WAPL: variants seen among roughly 807,000 people sequenced by gnomAD.
WAPL encodes the protein WAPL cohesin release factor.
In WAPL, 5 loss-of-function variants were observed where a neutral mutation model predicts 121.0. That is an observed-to-expected ratio of 0.04 (90% CI 0.02 to 0.09). The LOEUF is 0.09. Among genes scored for constraint, WAPL ranks in the 10% least tolerant of loss-of-function variants. The pLI is 1.00. For missense variants in WAPL, 999 were observed against 1,410.8 expected, an observed-to-expected ratio of 0.71 and a Z score of 4.68; for synonymous variants, 480 against 481.5, an observed-to-expected ratio of 1.00 and a Z score of 0.04.
At chr10:86,520,316 A>G (rs753416010) in intron 1 of WAPL, among the ~76,000 whole-genome samples, 5 of 152,144 alleles carry the variant, frequency 3.3e-5, no homozygotes, top group Non-Finnish European at 7.4e-5. Flanking sequence ...TAATAATGAT[A>G]ATAATAATTT....
intron 11 of WAPL, among the ~76,000 whole-genome samples, chr10:86,460,112 C>A (rs1841235631): frequency 6.6e-6 from 1 of 151,326 alleles, no homozygotes; most frequent in East Asian, 1.9e-4. Flanking sequence ...GACTCTGGCT[C>A]AAAAAATAAT....
At chr10:86,479,797 G>A (rs922266368) in intron 4 of WAPL, among the ~76,000 whole-genome samples, 1 of 151,978 alleles carries the variant, frequency 6.6e-6, no homozygotes, top group Non-Finnish European at 1.5e-5. Flanking sequence ...GTACTTTAGC[G>A]GCAATTCAAA....
chr10:86,474,081 A>T, intron 4 of WAPL, 108 bp from the exon 5 acceptor site: 3 of 834,794 alleles, frequency 3.6e-6, no homozygotes, highest in Non-Finnish European at 5.9e-6. Context: ...AAACAGCAGG[A>T]TGGATACTAT....
chr10:86,468,545 A>C (rs558587932), intron 8 of WAPL, among the ~76,000 whole-genome samples: 1 of 152,330 alleles, frequency 6.6e-6, no homozygotes, highest in African/African-American at 2.4e-5. Flanking sequence ...TAAAATCAAT[A>C]ATTTAAATAA....
At chr10:86,509,510 A>G (rs527875704) in intron 2 of WAPL, among the ~76,000 whole-genome samples, 4 of 152,292 alleles carry the variant, frequency 2.6e-5, no homozygotes, top group South Asian at 2.1e-4. Context: ...ACCACTCTAT[A>G]TATTTTTTCC....
chr10:86,446,494 T>G (rs774919521), intron 15 of WAPL, 45 bp from the exon 16 acceptor site: 2 of 1,557,630 alleles, frequency 1.3e-6, no homozygotes, highest in Non-Finnish European at 1.8e-6. Context: ...AGATTGCCAA[T>G]CAATATGCAT....
At chr10:86,446,492 A>G in intron 15 of WAPL, 43 bp from the exon 16 acceptor site, 1 of 1,568,174 alleles carries the variant, frequency 6.4e-7, no homozygotes, top group Non-Finnish European at 8.7e-7. Flanking sequence ...AGAGATTGCC[A>G]ATCAATATGC....
intron 8 of WAPL, among the ~76,000 whole-genome samples, 187 bp from the exon 9 acceptor site, chr10:86,467,693 T>C (rs1321261920): frequency 6.6e-6 from 1 of 151,770 alleles, no homozygotes; most frequent in Non-Finnish European, 1.5e-5. Flanking sequence ...TTTTTTTTTT[T>C]TGAGATGGAG....
intron 2 of WAPL, among the ~76,000 whole-genome samples, 168 bp from the exon 3 acceptor site, chr10:86,500,911 C>CT (rs765276780): frequency 2.4e-4 from 37 of 152,158 alleles, no homozygotes; most frequent in Non-Finnish European, 4.6e-4. Context: ...CCTCTCCTAT[C>CT]TTTTCAGTGT....
At position 86,472,875 on chromosome 10, in the gene WAPL, AAGCAGGG is replaced by A; in HGVS notation, c.1741-118_1741-112del. 1 of 1,197,884 alleles carries A rather than the reference AAGCAGGG, an allele frequency of 8.3e-7. No homozygotes were observed. 74.2% of individuals were successfully genotyped at this position (1,197,884 alleles called of 1,614,324 possible). A position where few individuals can be genotyped will look rare whatever the true frequency, so the allele number is the denominator to read the frequency against. On this transcript the variant is annotated intron_variant, in intron 5 of 18. Transcript: ENST00000298767. This position sits in a 1 kb window ranked among gnomAD's most constrained non-coding sequence, Gnocchi z 4.2. Reference sequence around the variant, plus strand: ...AAAAAAGTAAATAAAGCTTTTTAAAAAGCAGGGAGCAGGGAGGCCTCTCAAAGGTCTT... The same window carrying A: ...AAAAAAGTAAATAAAGCTTTTTAAAAAGCAGGGAGGCCTCTCAAAGGTCTT...
chr10:86,455,690 A>G (rs1841125031), intron 12 of WAPL, among the ~76,000 whole-genome samples: 1 of 129,718 alleles, frequency 7.7e-6, no homozygotes, highest in African/African-American at 2.6e-5. Context: ...TACTAAAAAA[A>G]AAAAAAGAAA....
intron 12 of WAPL, among the ~76,000 whole-genome samples, chr10:86,454,501 C>A (rs537148019): frequency 6.6e-6 from 1 of 152,360 alleles, no homozygotes; most frequent in East Asian, 1.9e-4. Context: ...CCTCAGCCTG[C>A]CTAGTGCCTG....
intron 2 of WAPL, among the ~76,000 whole-genome samples, chr10:86,508,690 T>C (rs1842396770): frequency 6.6e-6 from 1 of 152,046 alleles, no homozygotes; most frequent in Non-Finnish European, 1.5e-5. Context: ...TAAGCTGCTC[T>C]AGCTGCTCCT....
intron 2 of WAPL, among the ~76,000 whole-genome samples, chr10:86,506,005 C>T (rs1842342104): frequency 6.6e-6 from 1 of 152,032 alleles, no homozygotes; most frequent in Non-Finnish European, 1.5e-5. Flanking sequence ...GACAGTAATA[C>T]CAACACTTTG....
intron 4 of WAPL, among the ~76,000 whole-genome samples, chr10:86,491,421 G>A (rs1842045269): frequency 6.6e-6 from 1 of 152,010 alleles, no homozygotes; most frequent in South Asian, 2.1e-4. Flanking sequence ...TTACAGGCGT[G>A]AGCCACCACG....
intron 17 of WAPL, 151 bp from the exon 18 acceptor site, chr10:86,438,166 G>GC: frequency 1.9e-6 from 1 of 515,268 alleles, no homozygotes; most frequent in Non-Finnish European, 3.5e-6. Flanking sequence ...CACTCACTCT[G>GC]CATGTGATTT....
At position 86,471,028 on chromosome 10, in the gene WAPL, C is replaced by A; in HGVS notation, c.2106G>T (p.Met702Ile). 6.2e-7 allele frequency: 1 copy of A among 1,613,822 alleles called. No individual in the cohort carries two copies. Among genetic ancestry groups the A allele is most frequent in the African/African-American group, 1.3e-5 (1 of 74,986 alleles). Reference protein sequence around the residue: ...MHLRAHGMVAMVFKTLDDSQH... With the variant: ...MHLRAHGMVAIVFKTLDDSQH... ...GGGAATCATCCAAGGTTTTAAAGAC[C>A]ATTGCTACCATCCCATGTGCTCTCA... Residue 702 changes from methionine (M) to isoleucine (I), a missense_variant, in exon 8 of 19, where the codon ATG (methionine) becomes ATT (isoleucine). Met to Ile is a conservative substitution (Grantham distance 10). Around this residue, in one of 7 missense-constraint regions of WAPL, gnomAD observed 118 missense variants for 318.3 expected, o/e 0.37. Coordinates refer to ENST00000298767, the MANE Select transcript of WAPL (RefSeq NM_015045.5).
chr10:86,453,369 C>A (rs766742246), intron 13 of WAPL, 34 bp from the exon 14 acceptor site: 1 of 1,594,284 alleles, frequency 6.3e-7, no homozygotes. Flanking sequence ...AAAATGGTTA[C>A]TGATTCTTCC....
intron 17 of WAPL, among the ~76,000 whole-genome samples, chr10:86,441,721 G>A (rs1164255057): frequency 2.0e-5 from 3 of 152,104 alleles, no homozygotes; most frequent in Non-Finnish European, 4.4e-5. Flanking sequence ...AGAGAAATGG[G>A]GTGGGCACTG....
Sources: allele counts gnomAD v4.1 joint callset (sites outside exome capture counted in the v4.1 genomes callset), GRCh38; gene constraint gnomAD v4.1.1; regional missense constraint gnomAD v4.1.1; non-coding constraint Gnocchi (gnomAD v3.1); transcripts MANE v1.5; gene names NCBI Gene and HGNC (gene_info 2026-07-23, HGNC 2026-07-21).